Variants in ACER3 observed in about 807,000 individuals in gnomAD.
ACER3 encodes the protein alkCDase 3.
A neutral mutation model predicts 48.9 loss-of-function variants in ACER3; 16 were observed. That is an observed-to-expected ratio of 0.33 (90% CI 0.22 to 0.50). ACER3 has a LOEUF of 0.50. ACER3 is among the 20% of genes least tolerant of loss of function. The probability of loss-of-function intolerance (pLI) is 0.98; values close to 1 mark genes in which losing one functional copy is unlikely to be tolerated. For synonymous variants in ACER3, 109 were observed against 107.8 expected, an observed-to-expected ratio of 1.01 and a Z score of -0.07; for missense variants, 227 against 326.0, an observed-to-expected ratio of 0.70 and a Z score of 2.34.
intron 3 of ACER3, among the ~76,000 whole-genome samples, chr11:76,962,123 C>T (rs920810759): frequency 1.3e-5 from 2 of 150,762 alleles, no homozygotes; most frequent in Non-Finnish European, 2.9e-5. Flanking sequence ...AATCTTGGCT[C>T]ACGGCAACCT....
intron 7 of ACER3, among the ~76,000 whole-genome samples, chr11:77,004,736 A>T (rs1949099183): frequency 6.6e-6 from 1 of 152,178 alleles, no homozygotes; most frequent in Non-Finnish European, 1.5e-5. Flanking sequence ...ATATTAGCAT[A>T]GCATTGTTTC....
Position 76,976,289 on chromosome 11 carries a change from C to T in ACER3, c.268C>T (p.Leu90=). Residue 90 remains leucine, a splice_region_variant and synonymous_variant, in exon 4 of 11, where the codon CTA becomes TTA. Coordinates refer to ENST00000532485, the MANE Select transcript of ACER3 (RefSeq NM_018367.7). ...FHMTLKYEMQ[L]LDELPMIYSC... ...TGTTATCTATCTTTGTTTCTTACAG[C>T]TATTGGATGAACTCCCAATGATATA... The T allele has an allele frequency of 1.2e-6, 2 of 1,603,642 alleles. No homozygotes were observed. The highest frequency in any genetic ancestry group is 1.7e-6 in the Non-Finnish European group (2 of 1,172,916).
intron 7 of ACER3, among the ~76,000 whole-genome samples, chr11:77,008,545 G>T (rs1213999062): frequency 1.3e-5 from 2 of 152,174 alleles, no homozygotes; most frequent in Non-Finnish European, 2.9e-5. Context: ...TGCTCAACTA[G>T]ACTGTGAGCT....
At chr11:76,891,943 C>T (rs1364179894) in intron 1 of ACER3, among the ~76,000 whole-genome samples, 7 of 152,188 alleles carry the variant, frequency 4.6e-5, no homozygotes, top group Non-Finnish European at 1.0e-4. Flanking sequence ...TATAGACTAA[C>T]ACTCATGATT....
At chr11:76,966,793 A>G (rs373544324) in intron 3 of ACER3, among the ~76,000 whole-genome samples, 119 of 147,442 alleles carry the variant, frequency 8.1e-4, no homozygotes, top group African/African-American at 1.6e-3. Context: ...GAATCTCTGG[A>G]ACACATTCAA....
intron 5 of ACER3, among the ~76,000 whole-genome samples, chr11:76,989,731 G>C (rs1056052173): frequency 6.6e-6 from 1 of 152,174 alleles, no homozygotes; most frequent in Admixed American, 6.5e-5. Context: ...TTGAATGTTA[G>C]GTTAAGAAAT....
chr11:76,861,189 G>A, intron 1 of ACER3, 110 bp downstream of exon 1: 1 of 1,121,618 alleles, frequency 8.9e-7, no homozygotes, highest in Admixed American at 2.4e-5. Context: ...TGCCAGGCCT[G>A]GCCCCGGGAG....
At chr11:76,922,625 T>C (rs1946715848) in intron 1 of ACER3, among the ~76,000 whole-genome samples, 1 of 152,208 alleles carries the variant, frequency 6.6e-6, no homozygotes, top group Non-Finnish European at 1.5e-5. Flanking sequence ...ACATTATAAT[T>C]AATAAGCACC....
intron 1 of ACER3, among the ~76,000 whole-genome samples, chr11:76,904,841 ATGTGTGTGTG>A (rs3047842): frequency 1.4e-5 from 2 of 147,424 alleles, no homozygotes; most frequent in African/African-American, 5.0e-5. Flanking sequence ...TTCTCTATGT[ATGTGTGTGTG>A]TGTGTGTGTG....
At chr11:76,906,347 A>G (rs1565169687) in intron 1 of ACER3, among the ~76,000 whole-genome samples, 3 of 152,152 alleles carry the variant, frequency 2.0e-5, no homozygotes, top group Non-Finnish European at 4.4e-5. Flanking sequence ...TACTCCTAGT[A>G]TTGGTACTTG....
chr11:76,885,856 T>G (rs939989149), intron 1 of ACER3, among the ~76,000 whole-genome samples: 3 of 152,028 alleles, frequency 2.0e-5, no homozygotes, highest in African/African-American at 7.3e-5. Context: ...TCCACCAGGG[T>G]AAGCAAGGCC....
intron 2 of ACER3, among the ~76,000 whole-genome samples, chr11:76,946,864 G>C (rs1947487095): frequency 6.6e-6 from 1 of 152,206 alleles, no homozygotes; most frequent in Non-Finnish European, 1.5e-5. Flanking sequence ...GTAGCTTTCT[G>C]TGTCAGGCCT....
At chr11:76,953,947 CTT>C (rs71043520) in intron 2 of ACER3, among the ~76,000 whole-genome samples, 71,352 of 129,700 alleles carry the variant, frequency 0.55, 20,814 homozygotes, top group Non-Finnish European at 0.7. Context: ...TTTAAAAGTT[CTT>C]TTTTTTTTTT....
At chr11:76,861,470 C>T (rs1944936998) in intron 1 of ACER3, among the ~76,000 whole-genome samples, 1 of 152,060 alleles carries the variant, frequency 6.6e-6, no homozygotes, top group South Asian at 2.1e-4. Flanking sequence ...GCCCAGGACA[C>T]CTGCTCTGCT....
chr11:76,941,754 T>C (rs1947347598), intron 2 of ACER3, among the ~76,000 whole-genome samples: 1 of 152,136 alleles, frequency 6.6e-6, no homozygotes, highest in Non-Finnish European at 1.5e-5. Context: ...GTATGATCAT[T>C]TTAATGATAT....
chr11:76,950,578 C>G (rs1947636459), intron 2 of ACER3, among the ~76,000 whole-genome samples: 2 of 151,238 alleles, frequency 1.3e-5, no homozygotes, highest in Non-Finnish European at 3.0e-5. Flanking sequence ...CCTGCCACCT[C>G]AGCCTCCCTT....
intron 4 of ACER3, among the ~76,000 whole-genome samples, chr11:76,977,491 C>T (rs1948471550): frequency 6.6e-6 from 1 of 152,214 alleles, no homozygotes; most frequent in African/African-American, 2.4e-5. Context: ...AGGAAAGCCT[C>T]CTTCACCCAT....
intron 1 of ACER3, among the ~76,000 whole-genome samples, chr11:76,888,207 G>A (rs1305328311): frequency 1.3e-5 from 2 of 152,154 alleles, no homozygotes; most frequent in Non-Finnish European, 2.9e-5. Context: ...TGTGAAACTG[G>A]TATAAAGCTG....
intron 2 of ACER3, among the ~76,000 whole-genome samples, chr11:76,934,672 G>A (rs200729551): frequency 6.3e-5 from 9 of 142,692 alleles, no homozygotes; most frequent in Admixed American, 1.3e-4. Context: ...GAGGGAGACC[G>A]TGGAAAGAGA....
Sources: gnomAD v4.1 joint callset for allele counts (sites outside exome capture counted in the v4.1 genomes callset) on GRCh38, gnomAD v4.1.1 for gene constraint, MANE v1.5 for transcripts, NCBI Gene and HGNC (gene_info 2026-07-23, HGNC 2026-07-21) for gene names.